STXBP5L: variants seen among roughly 807,000 people sequenced by gnomAD.
The protein encoded by STXBP5L is syntaxin-binding protein 5-like.
A neutral mutation model predicts 144.5 loss-of-function variants in STXBP5L; 65 were observed. That is an observed-to-expected ratio of 0.45 (90% CI 0.37 to 0.55). The LOEUF is 0.55. STXBP5L is among the 20% of genes least tolerant of loss of function. The pLI is 0.00. For synonymous variants in STXBP5L, 505 were observed against 469.6 expected (o/e 1.08, Z -0.97); for missense variants, 1,298 against 1,405.5 (o/e 0.92, Z 1.22).
chr3:121,413,115 A>T, intron 23 of STXBP5L, 43 bp from the exon 24 acceptor site: 1 of 1,404,418 alleles, frequency 7.1e-7, no homozygotes, highest in South Asian at 1.7e-5. Flanking sequence ...ATCTGCTTCT[A>T]ACAACCTGCA....
At chr3:121,412,089 C>T (rs1474000184) in intron 23 of STXBP5L, among the ~76,000 whole-genome samples, 1 of 151,996 alleles carries the variant, frequency 6.6e-6, no homozygotes, top group Non-Finnish European at 1.5e-5. Flanking sequence ...ATCTTAAGAC[C>T]CATGTCCAGG....
chr3:121,099,939 G>C (rs2043326713), intron 5 of STXBP5L, among the ~76,000 whole-genome samples: 1 of 151,918 alleles, frequency 6.6e-6, no homozygotes, highest in South Asian at 2.1e-4. Flanking sequence ...AAACAAAAAA[G>C]TAGTTCCTAT....
intron 2 of STXBP5L, among the ~76,000 whole-genome samples, chr3:120,953,074 A>T (rs1711375594): frequency 6.7e-6 from 1 of 150,182 alleles, no homozygotes; most frequent in African/African-American, 2.5e-5. Flanking sequence ...TGCTGGGATT[A>T]CAGGTGCAAG....
chr3:121,081,727 C>T (rs531982469), intron 5 of STXBP5L, among the ~76,000 whole-genome samples: 8 of 152,264 alleles, frequency 5.3e-5, no homozygotes, highest in Admixed American at 2.0e-4. Flanking sequence ...GTAGCTAAGG[C>T]AGGTTGAGGA....
At chr3:121,028,921 C>A (rs1203359832) in intron 3 of STXBP5L, among the ~76,000 whole-genome samples, 3 of 151,986 alleles carry the variant, frequency 2.0e-5, no homozygotes, top group Non-Finnish European at 4.4e-5. Flanking sequence ...TTTATTCTCC[C>A]ATTCACAATT....
intron 7 of STXBP5L, 61 bp downstream of exon 7, chr3:121,121,765 T>A (rs2044477471): frequency 7.8e-7 from 1 of 1,286,608 alleles, no homozygotes; most frequent in East Asian, 2.4e-5. Flanking sequence ...AAAAGGTGTT[T>A]CTTACTATTA....
intron 3 of STXBP5L, among the ~76,000 whole-genome samples, chr3:120,967,865 A>G (rs999989793): frequency 4.6e-5 from 7 of 152,108 alleles, no homozygotes; most frequent in African/African-American, 1.7e-4. Context: ...TAAACCATTC[A>G]TTGTTTAGGA....
chr3:121,285,487 C>G (rs1454471497), intron 19 of STXBP5L, among the ~76,000 whole-genome samples: 1 of 152,054 alleles, frequency 6.6e-6, no homozygotes, highest in Non-Finnish European at 1.5e-5. Context: ...GAAATTATAT[C>G]AATGACTCTT....
intron 3 of STXBP5L, among the ~76,000 whole-genome samples, chr3:121,034,235 A>T (rs1946592185): frequency 6.6e-6 from 1 of 152,056 alleles, no homozygotes; most frequent in African/African-American, 2.4e-5. Context: ...TGTAACCATT[A>T]CCCAAATAAT....
intron 2 of STXBP5L, among the ~76,000 whole-genome samples, chr3:120,951,243 GC>G: frequency 6.6e-6 from 1 of 152,238 alleles, no homozygotes; most frequent in South Asian, 2.1e-4. Flanking sequence ...ATAGGCACGG[GC>G]AAGGACTTCA....
At chr3:121,373,072 A>G (rs933649049) in intron 20 of STXBP5L, among the ~76,000 whole-genome samples, 1 of 152,256 alleles carries the variant, frequency 6.6e-6, no homozygotes, top group Non-Finnish European at 1.5e-5. Flanking sequence ...TCAGTATATT[A>G]GGAACCTACA....
At chr3:120,982,141 T>TA (rs915438097) in intron 3 of STXBP5L, among the ~76,000 whole-genome samples, 5 of 152,136 alleles carry the variant, frequency 3.3e-5, no homozygotes, top group African/African-American at 9.7e-5. Flanking sequence ...CCCAAGCTAG[T>TA]AAGTAGGTAG....
At chr3:120,941,807 C>G (rs537798550) in intron 2 of STXBP5L, among the ~76,000 whole-genome samples, 1 of 151,558 alleles carries the variant, frequency 6.6e-6, no homozygotes, top group African/African-American at 2.4e-5. Flanking sequence ...GAGTTTAGAA[C>G]TTATTTGGGG....
chr3:121,262,124 T>G (rs180759837), intron 18 of STXBP5L, among the ~76,000 whole-genome samples: 11 of 152,274 alleles, frequency 7.2e-5, no homozygotes, highest in Admixed American at 6.5e-5. Flanking sequence ...CCAGTCACCT[T>G]CCCAAGGCCC....
chr3:121,350,547 A>T (rs1466435129), intron 20 of STXBP5L, among the ~76,000 whole-genome samples: 2 of 152,128 alleles, frequency 1.3e-5, no homozygotes, highest in Non-Finnish European at 2.9e-5. Context: ...AATATTCTGC[A>T]GAGTGTTTTC....
intron 3 of STXBP5L, among the ~76,000 whole-genome samples, chr3:120,981,188 A>C (rs1385123959): frequency 1.3e-5 from 2 of 152,090 alleles, no homozygotes; most frequent in African/African-American, 2.4e-5. Flanking sequence ...GCCATGGTGA[A>C]GTTTGTCTTG....
chr3:121,022,703 C>T (rs1945649241), intron 3 of STXBP5L, among the ~76,000 whole-genome samples: 1 of 152,022 alleles, frequency 6.6e-6, no homozygotes, highest in Non-Finnish European at 1.5e-5. Flanking sequence ...TTGACAAAAT[C>T]CAGCACCGCT....
chr3:121,097,617 C>T (rs2043195786), intron 5 of STXBP5L, among the ~76,000 whole-genome samples: 2 of 152,202 alleles, frequency 1.3e-5, no homozygotes. Flanking sequence ...CCCCACCCTG[C>T]TTCAGATCAC....
intron 10 of STXBP5L, among the ~76,000 whole-genome samples, chr3:121,213,290 G>T (rs796864886): frequency 1.4e-5 from 2 of 147,176 alleles, no homozygotes; most frequent in Non-Finnish European, 2.9e-5. Flanking sequence ...TCTTGTGCCT[G>T]TTTTCAAAGG....
Sources: gnomAD v4.1 joint callset for allele counts (sites outside exome capture counted in the v4.1 genomes callset) on GRCh38, gnomAD v4.1.1 for gene constraint, MANE v1.5 for transcripts, NCBI Gene and HGNC (gene_info 2026-07-23, HGNC 2026-07-21) for gene names.